Variants in CLASP1 observed in about 807,000 individuals in gnomAD.
CLASP1 encodes cytoplasmic linker associated protein 1.
Under a neutral mutation model 192.3 loss-of-function variants are expected in CLASP1, and 38 were observed. The ratio of observed to expected loss-of-function variants is 0.20; its 90% CI spans 0.15 to 0.26. The LOEUF (loss-of-function observed/expected upper bound fraction) is 0.26. Among genes scored for constraint, CLASP1 ranks in the 10% least tolerant of loss-of-function variants. CLASP1 has a pLI of 1.00. For missense variants in CLASP1, 1,433 were observed against 1,932.5 expected, an observed-to-expected ratio of 0.74 and a Z score of 4.85; for synonymous variants, 691 against 712.8, an observed-to-expected ratio of 0.97 and a Z score of 0.49.
intron 2 of CLASP1, chr2:121,603,242 C>G (rs999772691): frequency 2.6e-5 from 4 of 151,546 alleles, no homozygotes; most frequent in Admixed American, 1.3e-4. Flanking sequence ...ATATACATAT[C>G]CAATTTTAAA....
chr2:121,431,288 T>A (rs1048289906), intron 19 of CLASP1, among the ~76,000 whole-genome samples: 28 of 152,358 alleles, frequency 1.8e-4, no homozygotes, highest in Admixed American at 6.5e-5. Flanking sequence ...AAATAAACTC[T>A]ATAATCTATA....
intron 30 of CLASP1, among the ~76,000 whole-genome samples, chr2:121,390,896 C>T (rs1240844127): frequency 6.6e-6 from 1 of 152,030 alleles, no homozygotes; most frequent in Non-Finnish European, 1.5e-5. Flanking sequence ...GCATAATCAC[C>T]GTGCACTGCA....
chr2:121,528,544 GA>G, intron 4 of CLASP1, 132 bp downstream of exon 4: 1 of 693,180 alleles, frequency 1.4e-6, no homozygotes, highest in Non-Finnish European at 2.6e-6. Flanking sequence ...TGAATGCTGT[GA>G]AAATTTTTAT....
intron 2 of CLASP1, among the ~76,000 whole-genome samples, chr2:121,536,672 T>A (rs927991931): frequency 6.6e-6 from 1 of 152,184 alleles, no homozygotes; most frequent in African/African-American, 2.4e-5. Context: ...TTATGTGGAA[T>A]AAAGTAAGCC....
chr2:121,453,019 G>A (rs1037780706), intron 14 of CLASP1, among the ~76,000 whole-genome samples: 6 of 152,288 alleles, frequency 3.9e-5, no homozygotes, highest in African/African-American at 1.4e-4. Flanking sequence ...GGGAGCAGCG[G>A]CTCACGCCTG....
chr2:121,501,882 G>A (rs993438148), intron 8 of CLASP1, among the ~76,000 whole-genome samples: 4 of 152,118 alleles, frequency 2.6e-5, no homozygotes, highest in East Asian at 1.9e-4. Flanking sequence ...ACTGGGATTC[G>A]GGGTGCAGTT....
At chr2:121,497,640 C>T (rs896724772) in intron 8 of CLASP1, among the ~76,000 whole-genome samples, 9 of 152,118 alleles carry the variant, frequency 5.9e-5, no homozygotes, top group African/African-American at 2.2e-4. Flanking sequence ...AATTAGTAGA[C>T]ATTAGATAAA....
intron 8 of CLASP1, among the ~76,000 whole-genome samples, chr2:121,478,645 C>CA (rs2091970430): frequency 1.2e-5 from 1 of 84,436 alleles, no homozygotes; most frequent in Admixed American, 1.0e-4. Flanking sequence ...ACACACACAC[C>CA]CCCCACACAC....
intron 6 of CLASP1, among the ~76,000 whole-genome samples, chr2:121,520,802 C>T (rs1230310210): frequency 1.3e-5 from 2 of 152,194 alleles, no homozygotes; most frequent in Non-Finnish European, 2.9e-5. Context: ...ACAGCCACTG[C>T]CCTGTCCTCA....
intron 33 of CLASP1, 45 bp downstream of exon 34, chr2:121,382,163 A>T: frequency 6.8e-7 from 1 of 1,461,414 alleles, no homozygotes; most frequent in Non-Finnish European, 9.4e-7. Flanking sequence ...TGGAAATGCA[A>T]TAATATTGTG....
At chr2:121,345,954 T>C (rs1415261134) in intron 39 of CLASP1, among the ~76,000 whole-genome samples, 1 of 152,048 alleles carries the variant, frequency 6.6e-6, no homozygotes, top group Non-Finnish European at 1.5e-5. Flanking sequence ...TGGCCCAGAG[T>C]GTCAACAGAG....
At chr2:121,643,357 A>C (rs571506097) in intron 1 of CLASP1, among the ~76,000 whole-genome samples, 1 of 152,228 alleles carries the variant, frequency 6.6e-6, no homozygotes, top group African/African-American at 2.4e-5. Context: ...CTTCAATATA[A>C]GCCAAGATGA....
At chr2:121,513,022 C>T (rs2094184316) in intron 7 of CLASP1, 1 of 152,166 alleles carries the variant, frequency 6.6e-6, no homozygotes, top group South Asian at 2.1e-4. Flanking sequence ...AGAGAAGTCT[C>T]GACTATTCAA....
chr2:121,531,105 C>G (rs544625845), intron 2 of CLASP1: 17 of 643,122 alleles, frequency 2.6e-5, no homozygotes, highest in South Asian at 2.3e-4. Flanking sequence ...GCACAAGACG[C>G]GTGGTTTTAG....
At chr2:121,458,997 G>T in intron 12 of CLASP1, 22 bp from the exon 13 acceptor site, 1 of 1,558,162 alleles carries the variant, frequency 6.4e-7, no homozygotes, top group Non-Finnish European at 8.7e-7. Flanking sequence ...AAAGGATACT[G>T]GACTATAGTT....
At chr2:121,461,401 A>C (rs928083969) in intron 10 of CLASP1, among the ~76,000 whole-genome samples, 1 of 152,324 alleles carries the variant, frequency 6.6e-6, no homozygotes, top group African/African-American at 2.4e-5. Flanking sequence ...GCCATATGTG[A>C]ATAACCCTGC....
chr2:121,369,716 A>G (rs563791409), intron 34 of CLASP1, among the ~76,000 whole-genome samples: 4 of 152,318 alleles, frequency 2.6e-5, no homozygotes, highest in Admixed American at 2.6e-4. Flanking sequence ...TGTAACCACC[A>G]TGTTTAATCA....
At chr2:121,518,742 C>T (rs538705862) in intron 6 of CLASP1, among the ~76,000 whole-genome samples, 26 of 151,956 alleles carry the variant, frequency 1.7e-4, no homozygotes, top group East Asian at 5.8e-4. Flanking sequence ...CTGGGCATGG[C>T]GGCGAGCGCC....
intron 26 of CLASP1, 34 bp from the exon 28 acceptor site, chr2:121,401,904 A>C: frequency 1.5e-6 from 1 of 685,886 alleles, no homozygotes; most frequent in Non-Finnish European, 2.7e-6. Context: ...GAGGCCATGC[A>C]ACAAAACAAA....
Sources: gnomAD v4.1 joint callset for allele counts (sites outside exome capture counted in the v4.1 genomes callset) on GRCh38, gnomAD v4.1.1 for gene constraint, MANE v1.5 for transcripts, NCBI Gene and HGNC (gene_info 2026-07-23, HGNC 2026-07-21) for gene names.